Variants in LGSN observed in about 807,000 individuals in gnomAD.
LGSN encodes the protein lengsin.
Under a neutral mutation model 19.5 loss-of-function variants are expected in LGSN, and 21 were observed. That is an observed-to-expected ratio of 1.07 (90% CI 0.76 to 1.55). The LOEUF is 1.55. LGSN is among the 40% of genes most tolerant of loss of function. The probability of loss-of-function intolerance (pLI) is 0.00; values close to 1 mark genes in which losing one functional copy is unlikely to be tolerated. For synonymous variants in LGSN, 257 were observed against 215.6 expected, an observed-to-expected ratio of 1.19 and a Z score of -1.68; for missense variants, 673 against 608.5, an observed-to-expected ratio of 1.11 and a Z score of -1.12.
chr6:63,395,401 G>A, the LGSN span: 1 of 152,288 alleles, frequency 6.6e-6, no homozygotes, highest in African/African-American at 2.4e-5. Context: ...CTAGAATCCA[G>A]TTAAAGAGGC....
At chr6:63,285,782 C>G in intron 2 of LGSN, 29 bp from the exon 3 acceptor site, 1 of 1,601,864 alleles carries the variant, frequency 6.2e-7, no homozygotes, top group Non-Finnish European at 8.5e-7. Context: ...GGTTCTAACT[C>G]ACGAGATCAT....
At chr6:63,552,316 G>A in the LGSN span, among the ~76,000 whole-genome samples, 1 of 152,006 alleles carries the variant, frequency 6.6e-6, no homozygotes, top group Non-Finnish European at 1.5e-5. Context: ...TGTTTTTTTG[G>A]CTGCATAAAT....
the LGSN span, among the ~76,000 whole-genome samples, chr6:63,476,114 T>G: frequency 6.6e-6 from 1 of 152,186 alleles, no homozygotes; most frequent in African/African-American, 2.4e-5. Context: ...TTTTTACTGA[T>G]AGATGTAATG....
chr6:63,479,408 T>C, the LGSN span, among the ~76,000 whole-genome samples: 27 of 149,384 alleles, frequency 1.8e-4, no homozygotes, highest in Non-Finnish European at 3.9e-4. Context: ...TTTTTTTTTC[T>C]TTTCAGCAAT....
chr6:63,550,921 C>A, the LGSN span, among the ~76,000 whole-genome samples: 1 of 152,074 alleles, frequency 6.6e-6, no homozygotes, highest in African/African-American at 2.4e-5. Context: ...CCACCGTGCC[C>A]AGCCCCATAA....
chr6:63,496,128 T>C, the LGSN span, among the ~76,000 whole-genome samples: 1 of 152,154 alleles, frequency 6.6e-6, no homozygotes, highest in Non-Finnish European at 1.5e-5. Flanking sequence ...ATTTCACATG[T>C]TGGCCAGGCT....
the LGSN span, among the ~76,000 whole-genome samples, chr6:63,534,564 C>T: frequency 6.6e-6 from 1 of 152,040 alleles, no homozygotes; most frequent in Non-Finnish European, 1.5e-5. Flanking sequence ...TCTATAATCG[C>T]AGCTATGCAG....
At chr6:63,517,207 T>A in the LGSN span, among the ~76,000 whole-genome samples, 27 of 152,168 alleles carry the variant, frequency 1.8e-4, no homozygotes, top group African/African-American at 6.5e-4. Context: ...ATAAAATATA[T>A]CTGGAAAGTC....
the LGSN span, among the ~76,000 whole-genome samples, chr6:63,497,730 A>G: frequency 7.4e-6 from 1 of 135,790 alleles, no homozygotes; most frequent in African/African-American, 3.1e-5. Flanking sequence ...TGACCTGGGG[A>G]GAGTTGAATG....
At chr6:63,509,163 C>G in the LGSN span, among the ~76,000 whole-genome samples, 4 of 151,342 alleles carry the variant, frequency 2.6e-5, no homozygotes, top group Non-Finnish European at 5.9e-5. Context: ...CCCCTAGGTT[C>G]AAGCGATTCT....
At chr6:63,566,768 A>C in the LGSN span, among the ~76,000 whole-genome samples, 1 of 152,114 alleles carries the variant, frequency 6.6e-6, no homozygotes, top group South Asian at 2.1e-4. Flanking sequence ...TCCACAAAAA[A>C]TTTCTCTGTA....
the LGSN span, among the ~76,000 whole-genome samples, chr6:63,535,483 G>A: frequency 5.3e-5 from 8 of 151,838 alleles, no homozygotes; most frequent in Non-Finnish European, 1.0e-4. Flanking sequence ...AAAAAAAAAA[G>A]CAATAATATG....
chr6:63,524,819 A>G, the LGSN span, among the ~76,000 whole-genome samples: 22 of 152,306 alleles, frequency 1.4e-4, no homozygotes, highest in Admixed American at 1.2e-3. Context: ...TCCTTTTTAT[A>G]TGTTTTAGAA....
the LGSN span, among the ~76,000 whole-genome samples, chr6:63,325,574 G>A: frequency 3.3e-5 from 5 of 152,208 alleles, no homozygotes; most frequent in African/African-American, 1.2e-4. Flanking sequence ...CCAATAATGA[G>A]TAGCAAGGTA....
chr6:63,285,775 T>C (rs1376355898), intron 2 of LGSN, 22 bp from the exon 3 acceptor site: 19 of 1,608,758 alleles, frequency 1.2e-5, no homozygotes, highest in Non-Finnish European at 1.6e-5. Flanking sequence ...AAAAATAGGT[T>C]CTAACTCACG....
At chr6:63,296,428 G>A (rs1282961851) in intron 1 of LGSN, among the ~76,000 whole-genome samples, 1 of 151,308 alleles carries the variant, frequency 6.6e-6, no homozygotes, top group African/African-American at 2.4e-5. Flanking sequence ...GTCTAAAATT[G>A]TTTTGCTAGA....
At chr6:63,548,801 G>A in the LGSN span, 1 of 732,526 alleles carries the variant, frequency 1.4e-6, no homozygotes, top group African/African-American at 1.7e-5. Context: ...TGCCTCCCCA[G>A]TGACGGCGGA....
At chr6:63,530,529 T>C in the LGSN span, among the ~76,000 whole-genome samples, 4 of 152,180 alleles carry the variant, frequency 2.6e-5, no homozygotes, top group Non-Finnish European at 5.9e-5. Context: ...ACAACTCCAG[T>C]GGACGCCGTT....
chr6:63,456,371 A>ACTTTTTTTTTT, the LGSN span, among the ~76,000 whole-genome samples: 1 of 113,620 alleles, frequency 8.8e-6, no homozygotes, highest in Non-Finnish European at 1.9e-5. Flanking sequence ...ATATATATAT[A>ACTTTTTTTTTT]TATATATATA....
Sources: allele counts gnomAD v4.1 joint callset (sites outside exome capture counted in the v4.1 genomes callset), GRCh38; gene constraint gnomAD v4.1.1; transcripts MANE v1.5; gene names NCBI Gene and HGNC (gene_info 2026-07-23, HGNC 2026-07-21).